Variants in USP47 observed in about 807,000 individuals in gnomAD.
The protein encoded by USP47 is ubiquitin specific peptidase 47, also known as ubiquitin carboxyl-terminal hydrolase 47.
In USP47, 35 loss-of-function variants were observed where a neutral mutation model predicts 165.1. The ratio of observed to expected loss-of-function variants is 0.21; its 90% CI spans 0.16 to 0.28. The LOEUF is 0.28. Among genes scored for constraint, USP47 ranks in the 10% least tolerant of loss-of-function variants. USP47 has a pLI of 1.00. For missense variants in USP47, 1,277 were observed against 1,607.4 expected, an observed-to-expected ratio of 0.79 and a Z score of 3.52; for synonymous variants, 531 against 544.5, an observed-to-expected ratio of 0.98 and a Z score of 0.35.
intron 1 of USP47, among the ~76,000 whole-genome samples, chr11:11,851,669 GT>G (rs564761996): frequency 6.6e-6 from 1 of 152,032 alleles, no homozygotes; most frequent in Non-Finnish European, 1.5e-5. Flanking sequence ...TATAGTTTTT[GT>G]TTGTTTCAAG....
chr11:11,944,018 G>A lies in USP47; in HGVS notation c.3091+906G>A, dbSNP rs144628639. Among the ~76,000 whole-genome samples the A allele has an allele frequency of 7.5e-3, 1,135 of 151,750 alleles. 15 individuals are homozygous for A. The highest frequency in any genetic ancestry group is 0.026 in the African/African-American group (1,088 of 41,346). The stretch of plus-strand genomic sequence containing the variant: ...AGGTAAGAAAGCCAAAGCTCATAGA[G>A]GATGAATGACTTGTCCAAAAGTGCA... On this transcript the variant is annotated intron_variant, in intron 20 of 27. Transcript: ENST00000527733.
chr11:11,860,428 A>G (rs1849313993), intron 1 of USP47, among the ~76,000 whole-genome samples: 1 of 152,206 alleles, frequency 6.6e-6, no homozygotes, highest in Non-Finnish European at 1.5e-5. Flanking sequence ...TTCTTGTACC[A>G]TAGATCACTC....
chr11:11,845,125 C>G (rs1333335740), intron 1 of USP47, among the ~76,000 whole-genome samples: 1 of 152,114 alleles, frequency 6.6e-6, no homozygotes, highest in Non-Finnish European at 1.5e-5. Flanking sequence ...TTTTGTATGG[C>G]TACAACAGCA....
intron 27 of USP47, 137 bp from the exon 28 acceptor site, chr11:11,955,864 C>A: frequency 1.4e-6 from 1 of 700,970 alleles, no homozygotes; most frequent in Non-Finnish European, 2.3e-6. Context: ...TCTGGGACAT[C>A]TCAGTATATA....
rs1300802562 is a variant in USP47 at position 11,892,380 on chromosome 11, C to CTTTTTTTTTTTT, written c.496+282_496+293dup. 5.4e-4 allele frequency among the ~76,000 whole-genome samples: 66 copies of CTTTTTTTTTTTT among 121,104 alleles called. 1 individual carries two copies. Among genetic ancestry groups the CTTTTTTTTTTTT allele is most frequent in the Non-Finnish European group, 8.1e-4 (48 of 59,316 alleles). 79.4% of individuals were successfully genotyped at this position (121,104 alleles called of 152,430 possible). On this transcript the variant is annotated intron_variant, in intron 4 of 27. Coordinates refer to ENST00000527733, the MANE Select transcript of USP47 (RefSeq NM_001282659.2). ...AGACTTTTCTTTTCTTTTTAATTTT[C>CTTTTTTTTTTTT]TTTTTTTTTTTTTTTTTTTGAGACA...
intron 5 of USP47, among the ~76,000 whole-genome samples, chr11:11,900,445 C>T (rs548833217): frequency 2.7e-4 from 41 of 152,196 alleles, no homozygotes; most frequent in Non-Finnish European, 5.4e-4. Flanking sequence ...CAGGCGTGAG[C>T]CACCGCGCCC....
At chr11:11,955,827 A>G (rs968983419) in intron 27 of USP47, among the ~76,000 whole-genome samples, 174 bp from the exon 28 acceptor site, 4 of 152,234 alleles carry the variant, frequency 2.6e-5, no homozygotes, top group African/African-American at 9.6e-5. Flanking sequence ...AGTAAGCAAT[A>G]TGTTCCTGTG....
intron 1 of USP47, among the ~76,000 whole-genome samples, chr11:11,853,277 A>C (rs1848829837): frequency 6.6e-6 from 1 of 152,248 alleles, no homozygotes; most frequent in African/African-American, 2.4e-5. Context: ...ATCTACTTTT[A>C]GAACAAATTC....
chr11:11,842,100 C>T lies in USP47; in HGVS notation c.-86C>T, dbSNP rs1848152097. On this transcript the variant is annotated 5_prime_UTR_variant, in exon 1 of 28. Coordinates refer to ENST00000527733, the MANE Select transcript of USP47 (RefSeq NM_001282659.2). The stretch of plus-strand genomic sequence containing the variant: ...GCGCAGGCGGCGGAGAGGATGACTG[C>T]CGCTGCCATTCTCTCTTGAGCTAGC... 6.0e-6 allele frequency: 9 copies of T among 1,491,216 alleles called. No homozygotes were observed. The Admixed American group carries it at 1.5e-4, about 24-fold the overall frequency. The allele number at this position is 1,491,216 out of a possible 1,614,324, so 92.4% of individuals were successfully genotyped here. A position where few individuals can be genotyped will look rare whatever the true frequency, so the allele number is the denominator to read the frequency against.
chr11:11,925,001 A>T (rs1297940123), intron 11 of USP47, among the ~76,000 whole-genome samples: 2 of 151,138 alleles, frequency 1.3e-5, no homozygotes, highest in African/African-American at 4.8e-5. Flanking sequence ...CACTTTGTAT[A>T]GTGTGGACAT....
chr11:11,932,404 A>G (rs1854736927), intron 14 of USP47, among the ~76,000 whole-genome samples: 1 of 152,198 alleles, frequency 6.6e-6, no homozygotes, highest in African/African-American at 2.4e-5. Context: ...TTGACCATAT[A>G]GAGAGGGAGA....
At chr11:11,891,897 A>G in intron 3 of USP47, 71 bp from the exon 4 acceptor site, 2 of 1,541,418 alleles carry the variant, frequency 1.3e-6, no homozygotes, top group African/African-American at 2.8e-5. Flanking sequence ...ACCTTCCTAC[A>G]GGAAATGGTG....
chr11:11,852,608 C>CG (rs924711427), intron 1 of USP47, among the ~76,000 whole-genome samples: 17 of 686 alleles, frequency 0.025, no homozygotes, highest in African/African-American at 0.11. Context: ...AACTAGGTGT[C>CG]TTTGCTTTCT....
rs536869358 is a variant in USP47, at chr11:11,903,096, C to T, written c.740-167C>T. Among the ~76,000 whole-genome samples the T allele has an allele frequency of 6.6e-5, 10 of 152,148 alleles. No homozygotes were observed. In the East Asian group the frequency reaches 1.9e-3, roughly 29 times the overall value. Reference sequence around the variant, plus strand: ...TAGAATGCTGCAATCTATTTTCTGGCGTGTGATTTCCTTTTCATGACTGTC... The same window carrying T: ...TAGAATGCTGCAATCTATTTTCTGGTGTGTGATTTCCTTTTCATGACTGTC... On this transcript the variant is annotated intron_variant, in intron 6 of 27. Coordinates refer to ENST00000527733, the MANE Select transcript of USP47 (RefSeq NM_001282659.2).
Position 11,842,160 on chromosome 11 carries a change from G to C in USP47, c.-26G>C, listed in dbSNP as rs1285890249. On this transcript the variant is annotated 5_prime_UTR_variant, in exon 1 of 28. Coordinates refer to ENST00000527733, the MANE Select transcript of USP47 (RefSeq NM_001282659.2). ...CCACCCTCCACCCTCCCCCGGCAGG[G>C]CGGAGAGGAGCGGCCGGAGTCAGCG... The C allele has an allele frequency of 6.4e-7, 1 of 1,551,824 alleles. No homozygotes were observed. The highest frequency in any genetic ancestry group is 8.7e-7 in the Non-Finnish European group (1 of 1,146,838).
intron 2 of USP47, among the ~76,000 whole-genome samples, chr11:11,883,697 T>C (rs780267611): frequency 2.6e-5 from 4 of 152,120 alleles, no homozygotes; most frequent in Non-Finnish European, 4.4e-5. Context: ...AGTGAGTGAG[T>C]AGGGCTTGGG....
intron 8 of USP47, among the ~76,000 whole-genome samples, chr11:11,906,071 T>A (rs566725266): frequency 6.6e-6 from 1 of 152,274 alleles, no homozygotes; most frequent in South Asian, 2.1e-4. Context: ...AAAACTGTAA[T>A]CACCTTAATT....
At chr11:11,858,195 G>A (rs993022460) in intron 1 of USP47, among the ~76,000 whole-genome samples, 2 of 151,508 alleles carry the variant, frequency 1.3e-5, no homozygotes, top group African/African-American at 4.9e-5. Flanking sequence ...TGTACATTTT[G>A]TCCAATTCTT....
chr11:11,947,904 T>C (rs765994050), intron 20 of USP47, 41 bp from the exon 21 acceptor site: 20 of 1,563,438 alleles, frequency 1.3e-5, no homozygotes, highest in Non-Finnish European at 1.7e-5. Flanking sequence ...GAGGTTTCTT[T>C]TACATTTTTG....
Sources: gnomAD v4.1 joint callset for allele counts (sites outside exome capture counted in the v4.1 genomes callset) on GRCh38, gnomAD v4.1.1 for gene constraint, MANE v1.5 for transcripts, NCBI Gene and HGNC (gene_info 2026-07-23, HGNC 2026-07-21) for gene names.